FBXO4: variants seen among roughly 807,000 people sequenced by gnomAD.
The protein encoded by FBXO4 is F-box protein 4.
In FBXO4, 36 loss-of-function variants were observed where a neutral mutation model predicts 43.7. The observed-to-expected ratio is 0.82, with a 90% CI of 0.63 to 1.09. FBXO4 has a LOEUF of 1.09. FBXO4 is among the 50% of genes least tolerant of loss of function. The pLI is 0.00. For missense variants in FBXO4, 435 were observed against 474.1 expected (o/e 0.92, Z 0.77); for synonymous variants, 180 against 165.6 (o/e 1.09, Z -0.67).
chr5:41,940,901 G>T (rs928683606), intron 6 of FBXO4, among the ~76,000 whole-genome samples: 3 of 152,138 alleles, frequency 2.0e-5, no homozygotes, highest in Non-Finnish European at 4.4e-5. Context: ...GGATCCTTTG[G>T]AGGAATTTTT....
chr5:41,932,289 G>C (rs747251748), intron 3 of FBXO4, among the ~76,000 whole-genome samples: 1 of 152,180 alleles, frequency 6.6e-6, no homozygotes, highest in Non-Finnish European at 1.5e-5. Context: ...CGTGTTGAGA[G>C]GGTAATCTCT....
At chr5:42,015,485 T>A in the FBXO4 span, among the ~76,000 whole-genome samples, 1 of 152,170 alleles carries the variant, frequency 6.6e-6, no homozygotes, top group African/African-American at 2.4e-5. Flanking sequence ...ATCACATGCC[T>A]TCAGGCTAGT....
the FBXO4 span, among the ~76,000 whole-genome samples, chr5:41,983,180 C>T: frequency 6.6e-6 from 1 of 152,052 alleles, no homozygotes; most frequent in Non-Finnish European, 1.5e-5. Context: ...AATAAACATA[C>T]GTGTGCATGT....
chr5:42,027,243 C>G, the FBXO4 span, among the ~76,000 whole-genome samples: 1 of 151,782 alleles, frequency 6.6e-6, no homozygotes, highest in South Asian at 2.1e-4. Flanking sequence ...TTGCTCTGTT[C>G]AGGTTTTGGA....
chr5:41,977,816 T>G, the FBXO4 span, among the ~76,000 whole-genome samples: 1 of 152,186 alleles, frequency 6.6e-6, no homozygotes, highest in Non-Finnish European at 1.5e-5. Context: ...TTCCTCATCT[T>G]CTTTTCTTCT....
chr5:42,003,900 A>T, the FBXO4 span, among the ~76,000 whole-genome samples: 12 of 152,106 alleles, frequency 7.9e-5, no homozygotes, highest in African/African-American at 2.9e-4. Flanking sequence ...ATTATAAATC[A>T]TGCTGTTATA....
At chr5:41,965,803 A>C in the FBXO4 span, among the ~76,000 whole-genome samples, 1 of 152,166 alleles carries the variant, frequency 6.6e-6, no homozygotes, top group South Asian at 2.1e-4. Flanking sequence ...TACTGGGTAT[A>C]CACCCAAAGG....
At chr5:41,994,500 A>C in the FBXO4 span, among the ~76,000 whole-genome samples, 1 of 151,958 alleles carries the variant, frequency 6.6e-6, no homozygotes, top group East Asian at 1.9e-4. Flanking sequence ...TGATGGAGTG[A>C]CCCCAACCTT....
chr5:42,014,409 C>T, the FBXO4 span, among the ~76,000 whole-genome samples: 2 of 152,058 alleles, frequency 1.3e-5, no homozygotes, highest in Non-Finnish European at 2.9e-5. Context: ...TAGGAAAACT[C>T]CGCTCTTTCA....
chr5:42,016,495 G>GTCCTTC, the FBXO4 span, among the ~76,000 whole-genome samples: 2 of 151,788 alleles, frequency 1.3e-5, no homozygotes, highest in Non-Finnish European at 2.9e-5. Context: ...AAAAGCCTGG[G>GTCCTTC]TCCTTCTCGG....
At chr5:42,030,685 A>C in the FBXO4 span, among the ~76,000 whole-genome samples, 1,485 of 150,426 alleles carry the variant, frequency 9.9e-3, 51 homozygotes, top group East Asian at 0.067. Flanking sequence ...ACAAAATGGG[A>C]GAAAATTTTC....
rs372589088 is a variant in FBXO4 at position 41,939,472 on chromosome 5, T to A, written c.930T>A (p.Ile310=). Residue 310 remains isoleucine (I), a synonymous_variant, in exon 6 of 7, where the codon ATT becomes ATA. Transcript: ENST00000281623. ...RHEWQDEFSH[I]MAMTDPAFGS... is the part of the protein sequence containing the mutation. ...AATGGCAAGATGAATTTTCTCATAT[T>A]ATGGCAATGACAGATCCAGCCTTTG... 6.2e-7 allele frequency: 1 copy of A among 1,612,310 alleles called. No homozygotes were observed. The highest frequency in any genetic ancestry group is 1.7e-5 in the Admixed American group (1 of 59,894).
Position 41,925,321 on chromosome 5 carries a change from C to T in FBXO4, c.12C>T (p.Ser4=), listed in dbSNP as rs1468849704. The T allele has an allele frequency of 4.5e-6, 6 of 1,341,546 alleles. No homozygotes were observed. The African/African-American group carries it at 6.2e-5, about 14-fold the overall frequency. 83.1% of individuals were successfully genotyped at this position (1,341,546 alleles called of 1,614,324 possible). The change falls in exon 1 of 7, where the codon AGC becomes AGT. Residue 4 remains serine, a synonymous_variant. Coordinates refer to ENST00000281623, the MANE Select transcript of FBXO4 (RefSeq NM_012176.3). MAG[S]EPRSGTNSPP... ...GCTGCGGGCAAGCCATGGCGGGAAGCGAGCCGCGCAGCGGAACAAACTCGC... is the reference window on the plus strand; with the variant it reads ...GCTGCGGGCAAGCCATGGCGGGAAGTGAGCCGCGCAGCGGAACAAACTCGC...
chr5:42,028,454 C>G, the FBXO4 span, among the ~76,000 whole-genome samples: 1 of 151,488 alleles, frequency 6.6e-6, no homozygotes, highest in Non-Finnish European at 1.5e-5. Flanking sequence ...ACAGATCAAT[C>G]GGTCTTTCTT....
At chr5:41,986,129 G>A in the FBXO4 span, among the ~76,000 whole-genome samples, 15 of 152,154 alleles carry the variant, frequency 9.9e-5, no homozygotes, top group East Asian at 1.9e-4. Context: ...AAAGTATTGC[G>A]TAAGGCTAGA....
At chr5:41,950,335 C>T in the FBXO4 span, among the ~76,000 whole-genome samples, 8 of 152,196 alleles carry the variant, frequency 5.3e-5, no homozygotes, top group African/African-American at 1.9e-4. Context: ...GGCTAATACC[C>T]AGAATCTACA....
chr5:41,996,055 G>A, the FBXO4 span, among the ~76,000 whole-genome samples: 1 of 152,142 alleles, frequency 6.6e-6, no homozygotes, highest in African/African-American at 2.4e-5. Context: ...TCCCCTGTCA[G>A]CTGATCACAG....
chr5:41,933,851 C>G, intron 3 of FBXO4, 95 bp from the exon 4 acceptor site: 1 of 925,928 alleles, frequency 1.1e-6, no homozygotes, highest in Non-Finnish European at 1.7e-6. Context: ...AGAATTTTTT[C>G]TTTACTCTTT....
chr5:42,002,827 C>T, the FBXO4 span, among the ~76,000 whole-genome samples: 3 of 152,156 alleles, frequency 2.0e-5, no homozygotes, highest in Non-Finnish European at 4.4e-5. Context: ...TGAATAGGCT[C>T]AGATAATATA....
Sources: allele counts gnomAD v4.1 joint callset (sites outside exome capture counted in the v4.1 genomes callset), GRCh38; gene constraint gnomAD v4.1.1; transcripts MANE v1.5; gene names NCBI Gene and HGNC (gene_info 2026-07-23, HGNC 2026-07-21).